Variants in GCH1 observed in about 807,000 individuals in gnomAD.
GCH1 encodes GTP cyclohydrolase I.
GCH1 carries 5 observed loss-of-function variants against 25.9 expected under a neutral mutation model. The observed-to-expected ratio is 0.19, with a 90% CI of 0.10 to 0.41. The LOEUF (loss-of-function observed/expected upper bound fraction) is 0.41. Ranked by LOEUF, GCH1 falls within the 10% of genes least tolerant of loss-of-function variation. The pLI, the probability that GCH1 is intolerant of heterozygous loss-of-function variation, is 1.00. For missense variants in GCH1, 261 were observed against 336.5 expected, an observed-to-expected ratio of 0.78 and a Z score of 1.75; for synonymous variants, 159 against 129.6, an observed-to-expected ratio of 1.23 and a Z score of -1.54.
At chr14:54,880,395 T>C (rs1324069496) in intron 1 of GCH1, among the ~76,000 whole-genome samples, 1 of 140,568 alleles carries the variant, frequency 7.1e-6, no homozygotes, top group Non-Finnish European at 1.5e-5. Flanking sequence ...TAATATATAT[T>C]ATATAATACA....
chr14:54,853,322 G>A (rs1047351323), intron 3 of GCH1, among the ~76,000 whole-genome samples: 4 of 152,176 alleles, frequency 2.6e-5, no homozygotes, highest in African/African-American at 4.8e-5. Flanking sequence ...CACACAGGTA[G>A]TACTAATTCT....
chr14:54,870,335 C>CAAAAAAAAAAAAAAAAA (rs561453897), intron 1 of GCH1, among the ~76,000 whole-genome samples: 1 of 66,606 alleles, frequency 1.5e-5, no homozygotes. Flanking sequence ...CTGTTTTTAC[C>CAAAAAAAAAAAAAAAAA]AAAAAAAAAA....
chr14:54,902,226 GA>G lies in GCH1; in HGVS notation c.343+94del. 8 of 1,354,698 alleles carry G rather than the reference GA, an allele frequency of 5.9e-6. No homozygotes were observed. In the South Asian group the frequency reaches 9.8e-5, roughly 17 times the overall value. The allele number at this position is 1,354,698 out of a possible 1,614,324, so 83.9% of individuals were successfully genotyped here. ...GCGCCCGGCTTCCTGCGCCAAAAGT[GA>G]GGCAACTCCGGAAACTTCCTGGAGC... On this transcript the variant is annotated intron_variant, in intron 1 of 5. Coordinates refer to ENST00000491895, the MANE Select transcript of GCH1 (RefSeq NM_000161.3).
intron 3 of GCH1, among the ~76,000 whole-genome samples, chr14:54,855,035 A>C (rs1249222843): frequency 1.3e-5 from 2 of 152,222 alleles, no homozygotes; most frequent in Non-Finnish European, 2.9e-5. Flanking sequence ...AAATTTGTTC[A>C]CCAGGGTACT....
intron 4 of GCH1, among the ~76,000 whole-genome samples, chr14:54,846,582 C>G (rs112727839): frequency 1.3e-5 from 2 of 152,146 alleles, no homozygotes; most frequent in African/African-American, 4.8e-5. Flanking sequence ...TAAACATAAT[C>G]CAAATAAATT....
At chr14:54,870,430 A>G (rs1465985431) in intron 1 of GCH1, among the ~76,000 whole-genome samples, 4 of 151,772 alleles carry the variant, frequency 2.6e-5, no homozygotes, top group African/African-American at 7.3e-5. Context: ...TGAGCAACGC[A>G]TAAGACGGGT....
intron 1 of GCH1, among the ~76,000 whole-genome samples, chr14:54,896,638 A>T (rs941772494): frequency 2.6e-5 from 4 of 151,896 alleles, no homozygotes; most frequent in Admixed American, 1.3e-4. Context: ...CTCGGCCGGG[A>T]GCGGTGGCTC....
At position 54,843,163 on chromosome 14, in the gene GCH1, C is replaced by A; in HGVS notation, c.*854G>T. ...CATTTTGAGGCATCTACATGGATCA[C>A]ACAAAGGAAACTCAATAAACCTATA... On this transcript the variant is annotated 3_prime_UTR_variant, in exon 6 of 6. Transcript: ENST00000491895. 6.6e-7 allele frequency: 1 copy of A among 1,505,324 alleles called. No individual in the cohort carries two copies. Among genetic ancestry groups the A allele is most frequent in the South Asian group, 1.3e-5 (1 of 76,350 alleles). The allele number at this position is 1,505,324 out of a possible 1,614,324, so 93.2% of individuals were successfully genotyped here.
intron 1 of GCH1, among the ~76,000 whole-genome samples, chr14:54,869,528 TGG>T (rs2040038807): frequency 6.6e-6 from 1 of 152,202 alleles, no homozygotes; most frequent in Admixed American, 6.5e-5. Flanking sequence ...TTGCCCAGGC[TGG>T]AGTGCAATGG....
intron 3 of GCH1, among the ~76,000 whole-genome samples, chr14:54,857,879 T>C (rs960921641): frequency 1.1e-4 from 16 of 152,220 alleles, no homozygotes; most frequent in African/African-American, 3.9e-4. Context: ...GCAGCCAGAA[T>C]GTTTCTGGAT....
chr14:54,898,147 AGAG>A (rs1272188246), intron 1 of GCH1, among the ~76,000 whole-genome samples: 3 of 152,222 alleles, frequency 2.0e-5, no homozygotes, highest in Admixed American at 2.0e-4. Context: ...TGGGAGACCA[AGAG>A]GAGAGGATCA....
chr14:54,848,717 A>C (rs2039681764), intron 3 of GCH1, among the ~76,000 whole-genome samples: 1 of 152,154 alleles, frequency 6.6e-6, no homozygotes, highest in Non-Finnish European at 1.5e-5. Context: ...CTCAGCCCAG[A>C]GCTCCCTGAG....
At chr14:54,861,080 C>G (rs1426462266) in intron 2 of GCH1, among the ~76,000 whole-genome samples, 1 of 151,992 alleles carries the variant, frequency 6.6e-6, no homozygotes, top group African/African-American at 2.4e-5. Context: ...ATTAATTAAC[C>G]GAATATAAAA....
chr14:54,865,312 CAA>C lies in GCH1; in HGVS notation c.453+13_453+14del, dbSNP rs748275796. On this transcript the variant is annotated intron_variant, in intron 2 of 5. Coordinates refer to ENST00000491895, the MANE Select transcript of GCH1 (RefSeq NM_000161.3). ...TATGTTTTAAATTGCTGGGAAACAA[CAA>C]AGAGAACCTTACCTTTCCAACAAAT... 1 of 1,211,438 alleles carries C rather than the reference CAA, an allele frequency of 8.3e-7. No individual in the cohort carries two copies. The highest frequency in any genetic ancestry group is 1.2e-5 in the South Asian group (1 of 82,314). 75.0% of individuals were successfully genotyped at this position (1,211,438 alleles called of 1,614,324 possible).
At chr14:54,852,183 C>A (rs1021898138) in intron 3 of GCH1, among the ~76,000 whole-genome samples, 2 of 151,980 alleles carry the variant, frequency 1.3e-5, no homozygotes, top group African/African-American at 4.8e-5. Flanking sequence ...CAAATTTTAC[C>A]CTAGGCTAAT....
At chr14:54,885,520 C>G in intron 1 of GCH1, 1 of 329,436 alleles carries the variant, frequency 3.0e-6, no homozygotes, top group Non-Finnish European at 5.9e-6. Flanking sequence ...CAAACCTACA[C>G]CTGGCTTCTG....
rs1032208341 is a variant in GCH1, at chr14:54,872,932, T to C, written c.344-7496A>G. Among the ~76,000 whole-genome samples, 6 of 151,464 alleles carry C rather than the reference T, an allele frequency of 4.0e-5. No individual in the cohort carries two copies. The East Asian group carries it at 1.2e-3, about 29-fold the overall frequency. The stretch of plus-strand genomic sequence containing the variant: ...GACTTTAACACCCCACTGTCAACAT[T>C]AGACAGATCAAAGAGACAGAAAGTT... On this transcript the variant is annotated intron_variant, in intron 1 of 5. Transcript: ENST00000491895.
At chr14:54,891,023 C>T (rs1478798737) in intron 1 of GCH1, among the ~76,000 whole-genome samples, 1 of 152,186 alleles carries the variant, frequency 6.6e-6, no homozygotes, top group African/African-American at 2.4e-5. Context: ...CCACTTTTCA[C>T]AGTTTCAGTT....
rs2040578692 is a variant in GCH1 at position 54,902,302 on chromosome 14, A to C, written c.343+19T>G. ...GCCCCCGCCGCCCGCACGCTCTAGC[A>C]GCCCGCGGGCGCACTGACCTGAGAT... On this transcript the variant is annotated intron_variant, in intron 1 of 5. Transcript: ENST00000491895. 2 of 1,610,364 alleles carry C rather than the reference A, an allele frequency of 1.2e-6. No individual in the cohort carries two copies. The highest frequency in any genetic ancestry group is 3.3e-5 in the Admixed American group (2 of 59,822).
Sources: allele counts gnomAD v4.1 joint callset (sites outside exome capture counted in the v4.1 genomes callset), GRCh38; gene constraint gnomAD v4.1.1; transcripts MANE v1.5; gene names NCBI Gene and HGNC (gene_info 2026-07-23, HGNC 2026-07-21).